Variants in LRRD1 observed in about 807,000 individuals in gnomAD.
The protein encoded by LRRD1 is leucine-rich repeat and death domain-containing protein 1.
A neutral mutation model predicts 69.5 loss-of-function variants in LRRD1; 49 were observed. The ratio of observed to expected loss-of-function variants is 0.70; its 90% CI spans 0.56 to 0.89. The LOEUF (loss-of-function observed/expected upper bound fraction) is 0.89, where lower values mean the gene tolerates loss of function less well. LRRD1 is among the 40% of genes least tolerant of loss of function. The probability of loss-of-function intolerance (pLI) is 0.00; values close to 1 mark genes in which losing one functional copy is unlikely to be tolerated. For missense variants in LRRD1, 853 were observed against 956.0 expected (o/e 0.89, Z 1.42); for synonymous variants, 303 against 338.9 (o/e 0.89, Z 1.16).
At chr7:92,174,632 C>T (rs1247146734) in intron 1 of LRRD1, among the ~76,000 whole-genome samples, 1 of 146,164 alleles carries the variant, frequency 6.8e-6, no homozygotes, top group African/African-American at 2.5e-5. Flanking sequence ...CCTCAGCCTC[C>T]CGAGTAGCTG....
Position 92,174,754 on chromosome 7 carries a change from A to G in LRRD1, c.-75+4253T>C, listed in dbSNP as rs1418318902. Among the ~76,000 whole-genome samples, 3 of 151,562 alleles carry G rather than the reference A, an allele frequency of 2.0e-5. No individual in the cohort carries two copies. In the East Asian group the frequency reaches 5.8e-4, roughly 29 times the overall value. The stretch of plus-strand genomic sequence containing the variant: ...ATATTTAATAAAACTTTAAGTTTTG[A>G]AGGTTATTAAGATAATCTATGTCCA... On this transcript the variant is annotated intron_variant, in intron 1 of 5. Coordinates refer to ENST00000458448, the MANE Select transcript of LRRD1 (RefSeq NM_001161528.2).
At chr7:92,146,257 G>T in intron 4 of LRRD1, 57 bp from the exon 5 acceptor site, 1 of 835,066 alleles carries the variant, frequency 1.2e-6, no homozygotes, top group Non-Finnish European at 1.8e-6. Context: ...TCTATTTTGA[G>T]TTCATATTAT....
intron 4 of LRRD1, among the ~76,000 whole-genome samples, chr7:92,149,064 G>A (rs1190264911): frequency 1.4e-4 from 22 of 151,960 alleles, no homozygotes; most frequent in Admixed American, 1.4e-3. Context: ...CCTTTTTATA[G>A]TAACAATTAA....
intron 3 of LRRD1, among the ~76,000 whole-genome samples, chr7:92,154,724 GT>G (rs1387808946): frequency 6.6e-6 from 1 of 151,894 alleles, no homozygotes; most frequent in South Asian, 2.1e-4. Flanking sequence ...GTTTTATTTT[GT>G]TTTGTTTTGG....
chr7:92,147,338 G>A (rs1468746648), intron 4 of LRRD1, among the ~76,000 whole-genome samples: 1 of 152,130 alleles, frequency 6.6e-6, no homozygotes, highest in African/African-American at 2.4e-5. Context: ...AAAGTGCTGG[G>A]ATTAAAGGCA....
intron 1 of LRRD1, among the ~76,000 whole-genome samples, chr7:92,169,508 G>T (rs1238501185): frequency 6.6e-6 from 1 of 151,222 alleles, no homozygotes; most frequent in Non-Finnish European, 1.5e-5. Flanking sequence ...AAAATTAGCC[G>T]GGCGTGGTGG....
At chr7:92,159,653 G>C (rs567089902) in intron 2 of LRRD1, among the ~76,000 whole-genome samples, 1 of 134,948 alleles carries the variant, frequency 7.4e-6, no homozygotes. Context: ...CGGAGATCTC[G>C]GTCTGTCACC....
intron 2 of LRRD1, among the ~76,000 whole-genome samples, chr7:92,162,968 C>T (rs1788821311): frequency 6.6e-6 from 1 of 152,066 alleles, no homozygotes; most frequent in Non-Finnish European, 1.5e-5. Context: ...TCCAAACTTT[C>T]AATAATGTGT....
intron 1 of LRRD1, among the ~76,000 whole-genome samples, chr7:92,171,486 A>G (rs1191098531): frequency 6.6e-6 from 1 of 152,218 alleles, no homozygotes. Flanking sequence ...AAGAAATAGA[A>G]CACTTCAACA....
chr7:92,159,360 T>C (rs1788749275), intron 2 of LRRD1, among the ~76,000 whole-genome samples, 157 bp from the exon 3 acceptor site: 1 of 152,180 alleles, frequency 6.6e-6, no homozygotes. Flanking sequence ...TGACTGACTC[T>C]CCCTTCTGAC....
At chr7:92,165,433 G>T (rs192117711) in intron 1 of LRRD1, among the ~76,000 whole-genome samples, 157 bp from the exon 2 acceptor site, 35 of 152,146 alleles carry the variant, frequency 2.3e-4, no homozygotes, top group African/African-American at 7.7e-4. Context: ...GATTAAGGAT[G>T]GTTTATTGAT....
downstream of LRRD1, among the ~76,000 whole-genome samples, chr7:92,144,342 T>G (rs774578666): frequency 6.6e-6 from 1 of 152,032 alleles, no homozygotes. Context: ...ATAGAATTAT[T>G]TTCAGGCTAG....
chr7:92,176,922 T>C (rs1359540850), intron 1 of LRRD1, among the ~76,000 whole-genome samples: 1 of 150,282 alleles, frequency 6.7e-6, no homozygotes, highest in Non-Finnish European at 1.5e-5. Context: ...GGTTATGATA[T>C]AATACTTGTG....
chr7:92,148,702 T>C (rs1242845726), intron 4 of LRRD1, among the ~76,000 whole-genome samples: 2 of 152,146 alleles, frequency 1.3e-5, no homozygotes, highest in Non-Finnish European at 2.9e-5. Context: ...TTATGGATCC[T>C]AGAAAACCCC....
rs542619786 is a variant in LRRD1 at position 92,167,876 on chromosome 7, C to CAAAA, written c.-74-2604_-74-2601dup. On this transcript the variant is annotated intron_variant, in intron 1 of 5. Coordinates refer to ENST00000458448, the MANE Select transcript of LRRD1 (RefSeq NM_001161528.2). ...TGGGCAACACAGCGAGACTCTGTCTCAAAAAAAAAAAAAAAAAAAAAAAAA... is the reference window on the plus strand; with the variant it reads ...TGGGCAACACAGCGAGACTCTGTCTCAAAAAAAAAAAAAAAAAAAAAAAAAAAAA... 5.9e-3 allele frequency among the ~76,000 whole-genome samples: 273 copies of CAAAA among 46,206 alleles called. 9 individuals are homozygous for CAAAA. The highest frequency in any genetic ancestry group is 0.023 in the Middle Eastern group (1 of 44). The allele number at this position is 46,206 out of a possible 152,430, so 30.3% of individuals were successfully genotyped here.
chr7:92,169,170 C>T (rs928158487), intron 1 of LRRD1, among the ~76,000 whole-genome samples: 5 of 152,064 alleles, frequency 3.3e-5, no homozygotes, highest in African/African-American at 9.7e-5. Flanking sequence ...CTGCCCGTCT[C>T]GGCCTCCCAA....
chr7:92,157,111 G>C (rs1200022729), intron 3 of LRRD1, among the ~76,000 whole-genome samples: 1 of 145,542 alleles, frequency 6.9e-6, no homozygotes, highest in Non-Finnish European at 1.5e-5. Flanking sequence ...ACTTACTGCA[G>C]CCTCAAACTC....
In LRRD1 at chr7:92,163,524, A is replaced by G; in HGVS notation, c.1679T>C (p.Val560Ala). 6.5e-7 allele frequency: 1 copy of G among 1,529,272 alleles called. No individual in the cohort carries two copies. Among genetic ancestry groups the G allele is most frequent in the Non-Finnish European group, 8.8e-7 (1 of 1,139,202 alleles). The allele number at this position is 1,529,272 out of a possible 1,614,324, so 94.7% of individuals were successfully genotyped here. A position where few individuals can be genotyped will look rare whatever the true frequency, so the allele number is the denominator to read the frequency against. ...ASISNMISLH[V>A]LILCCNKFET... ...AAATTTATTACAGCATAAAATAAGT[A>G]CGTGGAGTGATATCATATTAGAAAT... The change falls in exon 2 of 6, where the codon GTA becomes GCA. Residue 560 changes from valine to alanine, a missense_variant. Around this residue, in one of 3 missense-constraint regions of LRRD1, gnomAD observed 739 missense variants for 808.0 expected, o/e 0.91. Coordinates refer to ENST00000458448, the MANE Select transcript of LRRD1 (RefSeq NM_001161528.2).
chr7:92,144,764 T>C (rs1292375951), downstream of LRRD1: 6 of 511,542 alleles, frequency 1.2e-5, no homozygotes, highest in Admixed American at 1.8e-4. Context: ...TGTCATCATC[T>C]CTTAAGAATG....
Sources: allele counts gnomAD v4.1 joint callset (sites outside exome capture counted in the v4.1 genomes callset), GRCh38; gene constraint gnomAD v4.1.1; regional missense constraint gnomAD v4.1.1; transcripts MANE v1.5; gene names NCBI Gene and HGNC (gene_info 2026-07-23, HGNC 2026-07-21).